MYLK: variants seen among roughly 807,000 people sequenced by gnomAD.
The protein encoded by MYLK is myosin light chain kinase.
MYLK carries 106 observed loss-of-function variants against 203.4 expected under a neutral mutation model. That is an observed-to-expected ratio of 0.52 (90% CI 0.45 to 0.61). The LOEUF is 0.61. Among genes scored for constraint, MYLK ranks in the 20% least tolerant of loss-of-function variants. The pLI is 0.00. For synonymous variants in MYLK, 867 were observed against 959.5 expected, an observed-to-expected ratio of 0.90 and a Z score of 1.78; for missense variants, 2,072 against 2,442.3, an observed-to-expected ratio of 0.85 and a Z score of 3.20.
Position 123,613,980 on chromosome 3 carries a change from A to C in MYLK, c.*125T>G, listed in dbSNP as rs1664503645. 1.6e-6 allele frequency: 2 copies of C among 1,226,404 alleles called. No individual in the cohort carries two copies. Among genetic ancestry groups the C allele is most frequent in the Admixed American group, 2.0e-5 (1 of 51,030 alleles). 76.0% of individuals were successfully genotyped at this position (1,226,404 alleles called of 1,614,324 possible). A position where few individuals can be genotyped will look rare whatever the true frequency, so the allele number is the denominator to read the frequency against. Reference sequence around the variant, plus strand: ...GCTGTTTCTGAAGAATCAACCCACAAATGACCTAACCGATAATCTATCACA... The same window carrying C: ...GCTGTTTCTGAAGAATCAACCCACACATGACCTAACCGATAATCTATCACA... On this transcript the variant is annotated 3_prime_UTR_variant, in exon 34 of 34. Coordinates refer to ENST00000360304, the MANE Select transcript of MYLK (RefSeq NM_053025.4).
At chr3:123,842,864 C>T (rs528335759) in intron 2 of MYLK, among the ~76,000 whole-genome samples, 5 of 152,354 alleles carry the variant, frequency 3.3e-5, no homozygotes, top group East Asian at 3.9e-4. Context: ...ACATTTCTAG[C>T]GTCACTTCTA....
At chr3:123,637,802 C>T (rs557896110) in intron 29 of MYLK, among the ~76,000 whole-genome samples, 32 of 152,200 alleles carry the variant, frequency 2.1e-4, no homozygotes, top group Admixed American at 1.4e-3. Flanking sequence ...GGCTGGCCAG[C>T]CTTGGGGACA....
intron 4 of MYLK, among the ~76,000 whole-genome samples, chr3:123,789,524 T>C (rs531957653): frequency 6.6e-6 from 1 of 151,972 alleles, no homozygotes; most frequent in Non-Finnish European, 1.5e-5. Flanking sequence ...AGAGAACAGC[T>C]GGATAAAGGA....
intron 3 of MYLK, among the ~76,000 whole-genome samples, chr3:123,809,120 G>C (rs2065468776): frequency 6.6e-6 from 1 of 152,168 alleles, no homozygotes; most frequent in South Asian, 2.1e-4. Flanking sequence ...CTATAGATAA[G>C]AAAACCAAGG....
At chr3:123,870,272 G>T (rs552824221) in intron 2 of MYLK, among the ~76,000 whole-genome samples, 2 of 152,324 alleles carry the variant, frequency 1.3e-5, no homozygotes, top group East Asian at 3.9e-4. Flanking sequence ...GTCTCAAAAT[G>T]AAAGATCAGC....
At chr3:123,698,584 G>C (rs1387697661) in intron 18 of MYLK, among the ~76,000 whole-genome samples, 1 of 152,190 alleles carries the variant, frequency 6.6e-6, no homozygotes, top group Non-Finnish European at 1.5e-5. Flanking sequence ...CTCAGGGGAG[G>C]GGGGCTGAGC....
intron 3 of MYLK, among the ~76,000 whole-genome samples, chr3:123,815,484 C>A (rs945020625): frequency 2.0e-5 from 3 of 152,202 alleles, no homozygotes; most frequent in East Asian, 1.9e-4. Flanking sequence ...AAACATGAGG[C>A]TTCTGCCCTC....
intron 18 of MYLK, among the ~76,000 whole-genome samples, chr3:123,696,773 G>T (rs1193333588): frequency 6.6e-6 from 1 of 152,160 alleles, no homozygotes; most frequent in East Asian, 1.9e-4. Flanking sequence ...TTTGGGCACA[G>T]AGTCCACCAA....
intron 27 of MYLK, chr3:123,647,019 C>G (rs2059043266): frequency 1.7e-6 from 1 of 604,370 alleles, no homozygotes; most frequent in Non-Finnish European, 2.9e-6. Flanking sequence ...TGGGCTGGTG[C>G]TCAGAGGCTC....
intron 2 of MYLK, among the ~76,000 whole-genome samples, chr3:123,846,851 T>G (rs925260319): frequency 1.3e-5 from 2 of 152,042 alleles, no homozygotes; most frequent in African/African-American, 4.8e-5. Context: ...TTTGGTTAGG[T>G]GTACTCCTGG....
chr3:123,809,013 G>A (rs993644950), intron 3 of MYLK, among the ~76,000 whole-genome samples: 3 of 152,094 alleles, frequency 2.0e-5, no homozygotes, highest in Admixed American at 1.3e-4. Flanking sequence ...AGCTGGGAGT[G>A]GACTGGAGTT....
rs28671093 is a variant in MYLK at position 123,805,570 on chromosome 3, C to T, written c.-3-11726G>A. On this transcript the variant is annotated intron_variant, in intron 3 of 33. Transcript: ENST00000360304. ...GCCAATTCCTAATTCAGGGTCAAGT[C>T]CAGAGCTGTATCATAAACACAGCTG... 6.3e-3 allele frequency among the ~76,000 whole-genome samples: 955 copies of T among 152,238 alleles called. 12 individuals carry two copies. The highest frequency in any genetic ancestry group is 0.022 in the African/African-American group (921 of 41,524).
intron 4 of MYLK, among the ~76,000 whole-genome samples, chr3:123,764,725 G>C (rs1203893998): frequency 6.6e-6 from 1 of 152,166 alleles, no homozygotes; most frequent in African/African-American, 2.4e-5. Flanking sequence ...GAGGGGTCTG[G>C]GGCATGGACT....
At chr3:123,770,032 C>T (rs956647241) in intron 4 of MYLK, among the ~76,000 whole-genome samples, 3 of 151,830 alleles carry the variant, frequency 2.0e-5, no homozygotes, top group Admixed American at 2.0e-4. Context: ...AAAGTCAGGC[C>T]GGGTGCAGTG....
Position 123,700,247 on chromosome 3 carries a change from T to A in MYLK, c.3221A>T (p.Asp1074Val), listed in dbSNP as rs529292204. Residue 1074 changes from aspartate (D) to valine (V), a missense_variant, in exon 18 of 34, where the codon GAT becomes GTT. By Grantham distance (152) the Asp-to-Val change is radical. Transcript: ENST00000360304. ...KEELKKDVKN[D>V]VNCKRGHAGT... The stretch of plus-strand genomic sequence containing the variant: ...TGCATGGCCTCTCTTGCAGTTCACA[T>A]CATTCTTAACGTCTTTCTTGAGTTC... 1 of 1,613,264 alleles carries A rather than the reference T, an allele frequency of 6.2e-7. No homozygotes were observed. The highest frequency in any genetic ancestry group is 1.3e-5 in the African/African-American group (1 of 74,974).
At position 123,733,831 on chromosome 3, in the gene MYLK, G is replaced by A. The variant is rs2062577356; in HGVS notation, c.1165C>T (p.Leu389=). The change falls in exon 10 of 34, where the codon CTG becomes TTG. Residue 389 remains leucine, a synonymous_variant. Transcript: ENST00000360304. ...TTGCTCACAACATCTTGGCTCCCCA[G>A]GCCAGGCTGCCTGGTGGGGAAGGTG... ...PATFPTRQPG[L]GSQDVVSKAA... 6.2e-7 allele frequency: 1 copy of A among 1,614,222 alleles called. No individual in the cohort carries two copies. The highest frequency in any genetic ancestry group is 8.5e-7 in the Non-Finnish European group (1 of 1,180,044).
At chr3:123,614,750 C>T (rs1193550516) in intron 33 of MYLK, among the ~76,000 whole-genome samples, 1 of 151,896 alleles carries the variant, frequency 6.6e-6, no homozygotes, top group Non-Finnish European at 1.5e-5. Flanking sequence ...TTCTCAGCCT[C>T]CTGAGTAGTG....
chr3:123,697,399 C>T (rs928735250), intron 18 of MYLK, among the ~76,000 whole-genome samples: 4 of 152,238 alleles, frequency 2.6e-5, no homozygotes, highest in African/African-American at 9.6e-5. Flanking sequence ...GGGGCACCAT[C>T]AGTGTTTCAA....
chr3:123,775,211 G>T (rs933050729), intron 4 of MYLK, among the ~76,000 whole-genome samples: 4 of 151,924 alleles, frequency 2.6e-5, no homozygotes, highest in African/African-American at 9.7e-5. Context: ...TCTATTTTTT[G>T]TAGAGACTGG....
Sources: allele counts gnomAD v4.1 joint callset (sites outside exome capture counted in the v4.1 genomes callset), GRCh38; gene constraint gnomAD v4.1.1; transcripts MANE v1.5; gene names NCBI Gene and HGNC (gene_info 2026-07-23, HGNC 2026-07-21).